Variants in DIAPH2 observed in about 807,000 individuals in gnomAD.
DIAPH2 encodes the protein protein diaphanous homolog 2.
DIAPH2 carries 35 observed loss-of-function variants against 92.7 expected under a neutral mutation model. That is an observed-to-expected ratio of 0.38 (90% CI 0.29 to 0.50). DIAPH2 has a LOEUF of 0.50. Ranked by LOEUF, DIAPH2 falls within the 20% of genes least tolerant of loss-of-function variation. The pLI is 0.94. For missense variants in DIAPH2, 701 were observed against 819.5 expected (o/e 0.86, Z 1.77); for synonymous variants, 301 against 280.4 (o/e 1.07, Z -0.73).
At chrX:97,060,555 C>T (rs894126402) in intron 17 of DIAPH2, among the ~76,000 whole-genome samples, 11 of 111,152 alleles carry the variant, frequency 9.9e-5, no homozygotes, top group African/African-American at 2.0e-4. Flanking sequence ...GAGGATCCAC[C>T]GTACATTTGA....
chrX:96,739,834 G>A (rs574059906), intron 3 of DIAPH2, among the ~76,000 whole-genome samples: 8 of 110,820 alleles, frequency 7.2e-5, no homozygotes, highest in East Asian at 2.8e-4. Context: ...TGCTCCTTTC[G>A]TGCTATCTTC....
In DIAPH2 at chrX:97,057,138, C is replaced by T. The variant is rs370381641; in HGVS notation, c.2051-15803C>T. Among the ~76,000 whole-genome samples, 5 of 111,689 alleles carry T rather than the reference C, an allele frequency of 4.5e-5. No individual in the cohort carries two copies. The East Asian group carries it at 8.4e-4, about 19-fold the overall frequency. On this transcript the variant is annotated intron_variant, in intron 17 of 26. Transcript: ENST00000324765. ...TGAGTGCTATTACTAAATGATGAGT[C>T]GTATGTGGCAAAAGGAGATGTGGAA...
rs902523101 is a variant in DIAPH2 at position 97,604,656 on chromosome X, G to T, written c.*5339G>T. ...CTCTGTGCTCTGATGTACCTCTTCT[G>T]CCCCTTTTATGACACCTTTGACCAA... On this transcript the variant is annotated 3_prime_UTR_variant, in exon 27 of 27. Transcript: ENST00000324765. 1 of 112,020 alleles carries T rather than the reference G, an allele frequency of 8.9e-6. No individual in the cohort carries two copies. 9.2% of individuals were successfully genotyped at this position (112,020 alleles called of 1,213,427 possible). A position where few individuals can be genotyped will look rare whatever the true frequency, so the allele number is the denominator to read the frequency against.
intron 17 of DIAPH2, among the ~76,000 whole-genome samples, chrX:96,974,094 A>C (rs1046491362): frequency 9.0e-6 from 1 of 111,495 alleles, no homozygotes; most frequent in African/African-American, 3.3e-5. Flanking sequence ...CCATTTGTTA[A>C]GTTGGAATGT....
In DIAPH2 at chrX:96,749,146, ATAT is replaced by A. The variant is rs1336724820; in HGVS notation, c.343-9007_343-9005del. Among the ~76,000 whole-genome samples the A allele has an allele frequency of 8.4e-3, 575 of 68,812 alleles. 13 individuals are homozygous for A. The highest frequency in any genetic ancestry group is 0.034 in the African/African-American group (495 of 14,475). The allele number at this position is 68,812 out of a possible 115,157, so 59.8% of individuals were successfully genotyped here. A position where few individuals can be genotyped will look rare whatever the true frequency, so the allele number is the denominator to read the frequency against. On this transcript the variant is annotated intron_variant, in intron 3 of 26. Coordinates refer to ENST00000324765, the MANE Select transcript of DIAPH2 (RefSeq NM_006729.5). ...CCCATCAGAAAAAAAAAAAAAAAAA[ATAT>A]ATATATATATATATATATGTTTGAG...
intron 1 of DIAPH2, among the ~76,000 whole-genome samples, chrX:96,716,819 A>T (rs1010034457): frequency 9.0e-6 from 1 of 111,330 alleles, no homozygotes; most frequent in Non-Finnish European, 1.9e-5. Context: ...CTATATTTTG[A>T]TATTTCATGA....
At chrX:96,692,837 A>C (rs1475904471) in intron 1 of DIAPH2, among the ~76,000 whole-genome samples, 2 of 112,354 alleles carry the variant, frequency 1.8e-5, no homozygotes, top group African/African-American at 6.5e-5. Context: ...ACCCCACCAC[A>C]ACAACTAAGT....
intron 24 of DIAPH2, among the ~76,000 whole-genome samples, chrX:97,367,445 G>A (rs2069391573): frequency 9.0e-6 from 1 of 111,535 alleles, no homozygotes. Context: ...TGGAAAAGAG[G>A]ATTGTAAAGC....
chrX:97,444,684 A>C (rs990879207), intron 26 of DIAPH2, among the ~76,000 whole-genome samples: 1 of 111,750 alleles, frequency 8.9e-6, no homozygotes, highest in African/African-American at 3.3e-5. Flanking sequence ...TATCAGTACT[A>C]CCTTATGTGG....
chrX:96,896,732 G>A (rs1298405482), intron 5 of DIAPH2, among the ~76,000 whole-genome samples: 1 of 111,979 alleles, frequency 8.9e-6, no homozygotes, highest in African/African-American at 3.2e-5. Context: ...CTTTAGCAAG[G>A]ATAAATGCAT....
At chrX:97,246,954 TA>T (rs946995131) in intron 22 of DIAPH2, among the ~76,000 whole-genome samples, 4 of 110,542 alleles carry the variant, frequency 3.6e-5, no homozygotes, top group East Asian at 2.8e-4. Flanking sequence ...AGTTGAAAGT[TA>T]AAAAAAAATT....
chrX:97,022,586 A>G (rs1210763551), intron 17 of DIAPH2, among the ~76,000 whole-genome samples: 1 of 112,352 alleles, frequency 8.9e-6, no homozygotes, highest in Non-Finnish European at 1.9e-5. Flanking sequence ...TCATTATAAA[A>G]TTAATACTTA....
chrX:97,323,320 G>A (rs1183774718), intron 23 of DIAPH2, among the ~76,000 whole-genome samples: 2 of 105,324 alleles, frequency 1.9e-5, no homozygotes, highest in Admixed American at 2.0e-4. Flanking sequence ...GGCCGGGCGC[G>A]GTGGCTCACG....
intron 26 of DIAPH2, among the ~76,000 whole-genome samples, chrX:97,590,392 T>C (rs1227702650): frequency 4.5e-5 from 5 of 111,750 alleles, no homozygotes; most frequent in African/African-American, 6.5e-5. Flanking sequence ...AGATACATGG[T>C]CTTAGAGTGA....
At chrX:97,444,687 T>A (rs909935173) in intron 26 of DIAPH2, among the ~76,000 whole-genome samples, 1 of 111,776 alleles carries the variant, frequency 8.9e-6, no homozygotes, top group African/African-American at 3.3e-5. Context: ...CAGTACTACC[T>A]TATGTGGAAG....
At chrX:97,321,869 T>C (rs746942348) in intron 23 of DIAPH2, among the ~76,000 whole-genome samples, 2 of 112,123 alleles carry the variant, frequency 1.8e-5, no homozygotes, top group Admixed American at 9.5e-5. Context: ...CTTAAATGGC[T>C]ATTTGCCAGA....
At chrX:97,570,612 T>C (rs2071364061) in intron 26 of DIAPH2, among the ~76,000 whole-genome samples, 1 of 110,812 alleles carries the variant, frequency 9.0e-6, no homozygotes, top group African/African-American at 3.3e-5. Context: ...ATCTCCTCTC[T>C]AGTGTGCTTT....
At chrX:96,940,608 A>G (rs995621436) in intron 12 of DIAPH2, among the ~76,000 whole-genome samples, 3 of 112,322 alleles carry the variant, frequency 2.7e-5, no homozygotes, top group Non-Finnish European at 5.6e-5. Context: ...GTAAAGCAGC[A>G]TAGAGAACTA....
intron 17 of DIAPH2, among the ~76,000 whole-genome samples, chrX:97,065,915 A>AT (rs1250820751): frequency 8.9e-6 from 1 of 112,068 alleles, no homozygotes; most frequent in Non-Finnish European, 1.9e-5. Flanking sequence ...AAAAGTAAAA[A>AT]TTTTAAAAAA....
Sources: gnomAD v4.1 joint callset for allele counts (sites outside exome capture counted in the v4.1 genomes callset) on GRCh38, gnomAD v4.1.1 for gene constraint, MANE v1.5 for transcripts, NCBI Gene and HGNC (gene_info 2026-07-23, HGNC 2026-07-21) for gene names.